Variants in PLCB1 observed in about 807,000 individuals in gnomAD.
PLCB1 encodes the protein phospholipase C beta 1.
A neutral mutation model predicts 161.8 loss-of-function variants in PLCB1; 46 were observed. That is an observed-to-expected ratio of 0.28 (90% CI 0.22 to 0.36). The LOEUF (loss-of-function observed/expected upper bound fraction) is 0.36, where lower values mean the gene tolerates loss of function less well. Ranked by LOEUF, PLCB1 falls within the 10% of genes least tolerant of loss-of-function variation. PLCB1 has a pLI of 1.00. For missense variants in PLCB1, 1,016 were observed against 1,472.5 expected (o/e 0.69, Z 5.07); for synonymous variants, 517 against 503.7 (o/e 1.03, Z -0.35).
intron 11 of PLCB1, among the ~76,000 whole-genome samples, chr20:8,704,349 G>C (rs183858484): frequency 6.9e-6 from 1 of 144,344 alleles, no homozygotes; most frequent in Admixed American, 7.0e-5. Flanking sequence ...GCAAGACTTC[G>C]TTTCAAAAAA....
intron 31 of PLCB1, among the ~76,000 whole-genome samples, chr20:8,820,923 C>T (rs192113215): frequency 1.5e-3 from 227 of 151,506 alleles, no homozygotes; most frequent in African/African-American, 5.3e-3. Context: ...TAAAAGCATG[C>T]AAAATGAATC....
chr20:8,800,528 C>G (rs887703098), intron 31 of PLCB1, among the ~76,000 whole-genome samples: 2 of 152,054 alleles, frequency 1.3e-5, no homozygotes, highest in Non-Finnish European at 2.9e-5. Context: ...GCAGATTAAC[C>G]ATTTTGGCAT....
chr20:8,702,417 C>T (rs1978418981), intron 11 of PLCB1, among the ~76,000 whole-genome samples: 1 of 152,232 alleles, frequency 6.6e-6, no homozygotes, highest in South Asian at 2.1e-4. Context: ...AGATGGAAAA[C>T]TGGATAATGT....
At chr20:8,740,613 A>G (rs1029246892) in intron 22 of PLCB1, among the ~76,000 whole-genome samples, 165 bp downstream of exon 22, 1 of 152,226 alleles carries the variant, frequency 6.6e-6, no homozygotes, top group Non-Finnish European at 1.5e-5. Flanking sequence ...AAATTGCTTG[A>G]GCCATTGTGA....
At chr20:8,398,313 A>C (rs1355021283) in intron 3 of PLCB1, among the ~76,000 whole-genome samples, 1 of 152,200 alleles carries the variant, frequency 6.6e-6, no homozygotes, top group Admixed American at 6.6e-5. Flanking sequence ...ATGTCATAAT[A>C]TATGTCTTAA....
intron 31 of PLCB1, among the ~76,000 whole-genome samples, chr20:8,791,582 C>T (rs919110079): frequency 1.1e-4 from 16 of 151,704 alleles, no homozygotes; most frequent in African/African-American, 3.9e-4. Context: ...GTTGATGGCT[C>T]AGCTAGTTTT....
intron 31 of PLCB1, among the ~76,000 whole-genome samples, chr20:8,827,553 T>C (rs1242732890): frequency 6.6e-6 from 1 of 152,236 alleles, no homozygotes; most frequent in Non-Finnish European, 1.5e-5. Flanking sequence ...TTGAATAAAA[T>C]TTAAAATTCA....
At chr20:8,277,070 G>A (rs1225888006) in intron 2 of PLCB1, among the ~76,000 whole-genome samples, 3 of 150,010 alleles carry the variant, frequency 2.0e-5, no homozygotes, top group Admixed American at 6.7e-5. Flanking sequence ...GCACGATCTC[G>A]GCTCACTGCA....
chr20:8,787,293 G>A (rs1983535067), intron 27 of PLCB1, among the ~76,000 whole-genome samples: 1 of 152,206 alleles, frequency 6.6e-6, no homozygotes, highest in South Asian at 2.1e-4. Flanking sequence ...CCTCCCTGCT[G>A]CAAATGGGGT....
chr20:8,850,879 G>A (rs1986863046), intron 31 of PLCB1, among the ~76,000 whole-genome samples: 1 of 152,186 alleles, frequency 6.6e-6, no homozygotes, highest in Admixed American at 6.5e-5. Flanking sequence ...CGAGACAGCA[G>A]CCTATTTCAG....
At chr20:8,346,570 A>G (rs968235522) in intron 2 of PLCB1, among the ~76,000 whole-genome samples, 3 of 152,242 alleles carry the variant, frequency 2.0e-5, no homozygotes, top group Non-Finnish European at 2.9e-5. Flanking sequence ...ACTGTTAAAT[A>G]CACACTGCCT....
chr20:8,827,299 T>A (rs1240793981), intron 31 of PLCB1, among the ~76,000 whole-genome samples: 1 of 152,214 alleles, frequency 6.6e-6, no homozygotes, highest in Non-Finnish European at 1.5e-5. Context: ...GTATTTGCAT[T>A]TGCTATGTGT....
chr20:8,739,498 G>A, intron 21 of PLCB1, 138 bp downstream of exon 21: 1 of 625,402 alleles, frequency 1.6e-6, no homozygotes, highest in African/African-American at 1.8e-5. Context: ...ATGAGATTTA[G>A]TTACATGTTT....
chr20:8,668,134 C>T (rs1214161615), intron 9 of PLCB1, among the ~76,000 whole-genome samples: 4 of 149,976 alleles, frequency 2.7e-5, no homozygotes, highest in Admixed American at 2.0e-4. Context: ...GGAAATAGGT[C>T]GAATGCAGAA....
intron 2 of PLCB1, among the ~76,000 whole-genome samples, chr20:8,250,041 C>T (rs1400114656): frequency 6.6e-6 from 1 of 151,962 alleles, no homozygotes; most frequent in Non-Finnish European, 1.5e-5. Flanking sequence ...CAACTCACTT[C>T]AATTCCTGAC....
At chr20:8,368,254 A>G (rs371822975) in intron 2 of PLCB1, among the ~76,000 whole-genome samples, 1 of 152,256 alleles carries the variant, frequency 6.6e-6, no homozygotes, top group East Asian at 1.9e-4. Context: ...CGGGCCGGGC[A>G]CGGTGGCTCA....
chr20:8,233,161 T>A (rs1980151236), intron 2 of PLCB1, among the ~76,000 whole-genome samples: 1 of 152,198 alleles, frequency 6.6e-6, no homozygotes, highest in African/African-American at 2.4e-5. Context: ...TACAGTCATT[T>A]ATTCAATCCC....
chr20:8,551,531 A>G (rs1165912820), intron 3 of PLCB1, among the ~76,000 whole-genome samples: 4 of 152,070 alleles, frequency 2.6e-5, no homozygotes, highest in Non-Finnish European at 4.4e-5. Flanking sequence ...TCCCCATCCC[A>G]TACCTGCATC....
intron 2 of PLCB1, among the ~76,000 whole-genome samples, chr20:8,304,809 A>G (rs1984061859): frequency 6.6e-6 from 1 of 152,114 alleles, no homozygotes; most frequent in African/African-American, 2.4e-5. Flanking sequence ...ATCCCATTTT[A>G]CAGAGAAAAA....
Sources: allele counts gnomAD v4.1 joint callset (sites outside exome capture counted in the v4.1 genomes callset), GRCh38; gene constraint gnomAD v4.1.1; transcripts MANE v1.5; gene names NCBI Gene and HGNC (gene_info 2026-07-23, HGNC 2026-07-21).